Variants in OR3A2 observed in about 807,000 individuals in gnomAD.
OR3A2 encodes the protein olfactory receptor 3A2.
For synonymous variants in OR3A2, 126 were observed against 159.3 expected (o/e 0.79, Z 1.57); for missense variants, 318 against 392.8 (o/e 0.81, Z 1.61).
intron 3 of OR3A2, among the ~76,000 whole-genome samples, chr17:3,324,685 C>A (rs2049155590): frequency 1.3e-5 from 2 of 152,060 alleles, no homozygotes; most frequent in Non-Finnish European, 2.9e-5. Flanking sequence ...ATTTGGTGAA[C>A]CGCAAATGCT....
intron 2 of OR3A2, among the ~76,000 whole-genome samples, chr17:3,342,002 A>G (rs1489366579): frequency 6.6e-6 from 1 of 151,918 alleles, no homozygotes; most frequent in Non-Finnish European, 1.5e-5. Flanking sequence ...TTCTTGCTTT[A>G]TTTCATTAAT....
intron 3 of OR3A2, among the ~76,000 whole-genome samples, chr17:3,300,567 T>C (rs951214050): frequency 6.6e-6 from 1 of 151,934 alleles, no homozygotes; most frequent in Non-Finnish European, 1.5e-5. Flanking sequence ...TCAAAATAAA[T>C]AAATTAATTA....
chr17:3,367,576 T>C (rs757588462), intron 2 of OR3A2, among the ~76,000 whole-genome samples: 2 of 127,972 alleles, frequency 1.6e-5, no homozygotes, highest in Non-Finnish European at 3.2e-5. Context: ...TATTCCATGG[T>C]GTATATGTAT....
chr17:3,340,059 T>C (rs2049304246), intron 2 of OR3A2, among the ~76,000 whole-genome samples: 1 of 152,366 alleles, frequency 6.6e-6, no homozygotes. Context: ...TTCATTTGTG[T>C]AGAGGTGTTT....
At chr17:3,331,534 C>T (rs923892816) in intron 3 of OR3A2, among the ~76,000 whole-genome samples, 15 of 151,806 alleles carry the variant, frequency 9.9e-5, no homozygotes, top group Admixed American at 3.3e-4. Context: ...GCATTCTTCA[C>T]GTAGTTCTCG....
intron 2 of OR3A2, among the ~76,000 whole-genome samples, chr17:3,344,328 G>C (rs955304096): frequency 4.2e-5 from 4 of 95,830 alleles, no homozygotes; most frequent in Middle Eastern, 5.4e-3. Context: ...CAGCAATTTA[G>C]ACCTTCCTGC....
chr17:3,344,758 G>C (rs2049348439), intron 2 of OR3A2, among the ~76,000 whole-genome samples: 1 of 152,152 alleles, frequency 6.6e-6, no homozygotes, highest in Non-Finnish European at 1.5e-5. Flanking sequence ...TGGTCAAGCA[G>C]TATACCAAAT....
At chr17:3,367,511 C>G (rs947896600) in intron 2 of OR3A2, among the ~76,000 whole-genome samples, 1 of 151,330 alleles carries the variant, frequency 6.6e-6, no homozygotes, top group Admixed American at 6.6e-5. Context: ...TGCTCTCCAA[C>G]TCCATCCAGG....
intron 3 of OR3A2, among the ~76,000 whole-genome samples, chr17:3,317,064 A>T (rs2049086797): frequency 6.6e-6 from 1 of 152,214 alleles, no homozygotes; most frequent in South Asian, 2.1e-4. Flanking sequence ...ATGAGCTATT[A>T]AACGGACAGG....
chr17:3,370,495 T>A (rs1267117557), intron 2 of OR3A2, among the ~76,000 whole-genome samples: 1 of 152,236 alleles, frequency 6.6e-6, no homozygotes, highest in Non-Finnish European at 1.5e-5. Context: ...CATTTATCTT[T>A]TGTATTTTTT....
intron 2 of OR3A2, among the ~76,000 whole-genome samples, chr17:3,364,836 C>A (rs1440638879): frequency 6.6e-6 from 1 of 151,712 alleles, no homozygotes; most frequent in African/African-American, 2.4e-5. Flanking sequence ...GATATGGAAT[C>A]AACTAAAGTG....
At chr17:3,300,320 A>G (rs992600231) in intron 3 of OR3A2, among the ~76,000 whole-genome samples, 21 of 152,188 alleles carry the variant, frequency 1.4e-4, no homozygotes, top group African/African-American at 5.1e-4. Flanking sequence ...ACACTTTGGG[A>G]GGCCAAGGTG....
At position 3,328,033 on chromosome 17, in the gene OR3A2, G is replaced by A. The variant is rs1013383822; in HGVS notation, c.-85+8000C>T. Among the ~76,000 whole-genome samples the A allele has an allele frequency of 1.3e-4, 19 of 141,382 alleles. 1 individual carries two copies. The highest frequency in any genetic ancestry group is 1.0e-3 in the East Asian group (5 of 4,854). The allele number at this position is 141,382 out of a possible 152,430, so 92.8% of individuals were successfully genotyped here. A position where few individuals can be genotyped will look rare whatever the true frequency, so the allele number is the denominator to read the frequency against. ...TCTTTTGGCTTAGGATTGCCTTGGC[G>A]ATGGGGGCTCTTTTTTGGTTCCATA... On this transcript the variant is annotated intron_variant, in intron 3 of 4. Transcript: ENST00000573491.
intron 3 of OR3A2, among the ~76,000 whole-genome samples, chr17:3,295,481 G>A (rs1431319133): frequency 1.3e-5 from 2 of 152,152 alleles, no homozygotes; most frequent in African/African-American, 4.8e-5. Flanking sequence ...TAAAATATAA[G>A]AGGAAGGATG....
chr17:3,317,119 C>T (rs1043062302), intron 3 of OR3A2, among the ~76,000 whole-genome samples: 2 of 152,166 alleles, frequency 1.3e-5, no homozygotes, highest in Non-Finnish European at 2.9e-5. Context: ...ACTATTTATA[C>T]AGTGGATCAG....
chr17:3,318,323 A>T (rs1166096103), intron 3 of OR3A2, among the ~76,000 whole-genome samples: 1 of 152,206 alleles, frequency 6.6e-6, no homozygotes, highest in Non-Finnish European at 1.5e-5. Flanking sequence ...CTTAGTCTGA[A>T]AGAAACTGGG....
At chr17:3,324,096 C>A (rs889863692) in intron 3 of OR3A2, among the ~76,000 whole-genome samples, 2 of 151,896 alleles carry the variant, frequency 1.3e-5, no homozygotes, top group African/African-American at 4.8e-5. Context: ...TTCTCCCTTC[C>A]TTTCATTCAT....
intron 2 of OR3A2, among the ~76,000 whole-genome samples, chr17:3,380,879 C>T (rs1451666969): frequency 2.0e-5 from 3 of 151,968 alleles, no homozygotes; most frequent in Non-Finnish European, 4.4e-5. Flanking sequence ...CAAGAGAGAG[C>T]GAGAGGAAGG....
At chr17:3,280,920 G>T (rs1304328933) in intron 1 of OR3A2, among the ~76,000 whole-genome samples, 3 of 152,174 alleles carry the variant, frequency 2.0e-5, no homozygotes, top group African/African-American at 4.8e-5. Flanking sequence ...GTCTTAACTG[G>T]TCTCACTAAG....
Sources: allele counts gnomAD v4.1 joint callset (sites outside exome capture counted in the v4.1 genomes callset), GRCh38; gene constraint gnomAD v4.1.1; transcripts MANE v1.5; gene names NCBI Gene and HGNC (gene_info 2026-07-23, HGNC 2026-07-21).